The following GRHL1 variants were observed in gnomAD, a reference collection of about 807,000 sequenced individuals.
The protein encoded by GRHL1 is grainyhead like transcription factor 1, also known as grainyhead-like protein 1 homolog.
Under a neutral mutation model 75.7 loss-of-function variants are expected in GRHL1, and 38 were observed. The ratio of observed to expected loss-of-function variants is 0.50; its 90% CI spans 0.39 to 0.66. The LOEUF (loss-of-function observed/expected upper bound fraction) is 0.66. Ranked by LOEUF, GRHL1 falls within the 30% of genes least tolerant of loss-of-function variation. The pLI is 0.00. For missense variants in GRHL1, 589 were observed against 767.5 expected, an observed-to-expected ratio of 0.77 and a Z score of 2.75; for synonymous variants, 266 against 279.4, an observed-to-expected ratio of 0.95 and a Z score of 0.48.
rs1667449638 is a variant in GRHL1, at chr2:9,965,385, G to A, written c.1110+4G>A. 6.4e-7 allele frequency: 1 copy of A among 1,560,134 alleles called. No homozygotes were observed. Among genetic ancestry groups the A allele is most frequent in the Non-Finnish European group, 8.8e-7 (1 of 1,130,914 alleles). On this transcript the variant is annotated splice_donor_region_variant and intron_variant, in intron 8 of 15. Coordinates refer to ENST00000324907, the MANE Select transcript of GRHL1 (RefSeq NM_198182.3). ...GGACATCAACGATGAAGCAAAGGTGGGTGGTGAGGTCTGGGCGCCTTATGT... is the reference window on the plus strand; with the variant it reads ...GGACATCAACGATGAAGCAAAGGTGAGTGGTGAGGTCTGGGCGCCTTATGT...
intron 8 of GRHL1, among the ~76,000 whole-genome samples, chr2:9,981,485 C>T (rs1373417607): frequency 6.6e-6 from 1 of 152,342 alleles, no homozygotes; most frequent in African/African-American, 2.4e-5. Flanking sequence ...GGTCAGCAGA[C>T]GACAGCTCTG....
At chr2:10,000,496 C>T (rs1435643596) in intron 15 of GRHL1, 97 bp from the exon 16 acceptor site, 5 of 676,652 alleles carry the variant, frequency 7.4e-6, no homozygotes, top group Non-Finnish European at 1.4e-5. Context: ...GCCTCACATG[C>T]TGCAACTAGT....
At chr2:9,979,233 C>CTTTTTT (rs113844108) in intron 8 of GRHL1, among the ~76,000 whole-genome samples, 8 of 134,892 alleles carry the variant, frequency 5.9e-5, no homozygotes, top group African/African-American at 1.9e-4. Context: ...AATGTTCAAT[C>CTTTTTT]TTTTTTTTTT....
intron 8 of GRHL1, among the ~76,000 whole-genome samples, chr2:9,967,823 T>C (rs544160745): frequency 1.3e-5 from 2 of 152,320 alleles, no homozygotes; most frequent in Admixed American, 6.5e-5. Context: ...TCTGAAAATA[T>C]CTACTTTCTT....
In GRHL1 at chr2:9,992,382, T is replaced by G. The variant is rs1668681425; in HGVS notation, c.1461+236T>G. On this transcript the variant is annotated intron_variant, in intron 11 of 15. Coordinates refer to ENST00000324907, the MANE Select transcript of GRHL1 (RefSeq NM_198182.3). The surrounding 1 kb of genome is among the most constrained non-coding windows in gnomAD (Gnocchi z 4.6). ...CTTTATTCTGTTTGTATTCATTCAT[T>G]CATTCGTTCGTTCTTCATACCTACA... is the stretch of plus-strand genomic sequence containing the variant. 6.6e-6 allele frequency among the ~76,000 whole-genome samples: 1 copy of G among 152,224 alleles called. No individual in the cohort carries two copies. The highest frequency in any genetic ancestry group is 6.5e-5 in the Admixed American group (1 of 15,282).
intron 8 of GRHL1, among the ~76,000 whole-genome samples, chr2:9,976,879 A>T (rs1667969041): frequency 6.6e-6 from 1 of 152,224 alleles, no homozygotes; most frequent in Non-Finnish European, 1.5e-5. Context: ...ATGGCTGGAA[A>T]GGTGGATTGG....
chr2:9,961,578 G>C (rs1397344810), intron 4 of GRHL1, 142 bp downstream of exon 4: 2 of 694,308 alleles, frequency 2.9e-6, no homozygotes, highest in African/African-American at 1.8e-5. Context: ...AAGAGAAAAG[G>C]CCCATGGGTA....
Position 9,993,208 on chromosome 2 carries a change from T to C in GRHL1, c.1463T>C (p.Val488Ala), listed in dbSNP as rs1479732755. ...AGCAATCTATTCCTTTGGTCTTAGG[T>C]CCTTCCCATTGCCTCTGAAGAATTG... ...HFANLQRGTH[V>A]LPIASEELEG... Residue 488 changes from valine (V) to alanine (A), a missense_variant and splice_region_variant, in exon 12 of 16, where the codon GTC becomes GCC. Coordinates refer to ENST00000324907, the MANE Select transcript of GRHL1 (RefSeq NM_198182.3). 1 of 1,608,300 alleles carries C rather than the reference T, an allele frequency of 6.2e-7. No homozygotes were observed. The highest frequency in any genetic ancestry group is 1.3e-5 in the African/African-American group (1 of 74,936).
chr2:9,974,490 T>A (rs564461138), intron 8 of GRHL1, among the ~76,000 whole-genome samples: 1 of 152,186 alleles, frequency 6.6e-6, no homozygotes, highest in Admixed American at 6.5e-5. Context: ...TTGAAGCTTT[T>A]GAGTTGGGCG....
intron 2 of GRHL1, among the ~76,000 whole-genome samples, chr2:9,958,246 C>A (rs906738011): frequency 6.7e-6 from 1 of 149,820 alleles, no homozygotes; most frequent in Non-Finnish European, 1.5e-5. Flanking sequence ...GGCGCAATCT[C>A]TGCTCACTGT....
intron 4 of GRHL1, among the ~76,000 whole-genome samples, chr2:9,962,005 C>G (rs772230624): frequency 3.3e-5 from 5 of 152,138 alleles, no homozygotes; most frequent in Admixed American, 2.6e-4. Flanking sequence ...GAGCATCCAT[C>G]TCTGCGTATG....
At chr2:9,954,283 G>A (rs1666917118) in intron 1 of GRHL1, among the ~76,000 whole-genome samples, 1 of 152,130 alleles carries the variant, frequency 6.6e-6, no homozygotes, top group African/African-American at 2.4e-5. Context: ...TCCCATGCCA[G>A]AAAATTATGC....
At position 9,964,018 on chromosome 2, in the gene GRHL1, C is replaced by G. The variant is rs1037488824; in HGVS notation, c.879C>G (p.Ile293Met). The G allele has an allele frequency of 8.7e-6, 14 of 1,613,668 alleles. No individual in the cohort carries two copies. The highest frequency in any genetic ancestry group is 1.1e-5 in the Non-Finnish European group (13 of 1,179,752). ...AGGAGGTGAGCAGCAGTGAAGGAATCCATCATCCCATCAGCAAAGTTCGAG... is the reference window on the plus strand; with the variant it reads ...AGGAGGTGAGCAGCAGTGAAGGAATGCATCATCCCATCAGCAAAGTTCGAG... ...TLKEVSSSEG[I>M]HHPISKVRSV... The change falls in exon 6 of 16, where the codon ATC (isoleucine) becomes ATG (methionine). Residue 293 changes from isoleucine to methionine, a missense_variant. By Grantham distance (10) the Ile-to-Met change is conservative. This residue lies in a region of GRHL1 where 362 missense variants were observed against 461.8 expected (regional missense o/e 0.78). Coordinates refer to ENST00000324907, the MANE Select transcript of GRHL1 (RefSeq NM_198182.3).
rs113280112 is a variant in GRHL1 at position 9,998,499 on chromosome 2, TAC to T, written c.1678-464_1678-463del. ...ATATATACATATATATACGTATATA[TAC>T]ATATATATACGTATATATATACATA... On this transcript the variant is annotated intron_variant, in intron 14 of 15. Transcript: ENST00000324907. Among the ~76,000 whole-genome samples, 3 of 19,722 alleles carry T rather than the reference TAC, an allele frequency of 1.5e-4. 1 individual carries two copies. Among genetic ancestry groups the T allele is most frequent in the East Asian group, 2.0e-3 (1 of 506 alleles). 12.9% of individuals were successfully genotyped at this position (19,722 alleles called of 152,430 possible).
chr2:9,968,091 T>TA lies in GRHL1; in HGVS notation c.1110+2711dup, dbSNP rs769824192. On this transcript the variant is annotated intron_variant, in intron 8 of 15. Transcript: ENST00000324907. The surrounding 1 kb of genome is among the most constrained non-coding windows in gnomAD (Gnocchi z 4.7). ...TGAAAATCTGTCAACATCTGAATCT[T>TA]ACCTGTAGCTTCTGCTTCTCCGTTT... 4.6e-5 allele frequency among the ~76,000 whole-genome samples: 7 copies of TA among 152,200 alleles called. No individual in the cohort carries two copies. The highest frequency in any genetic ancestry group is 1.0e-4 in the Non-Finnish European group (7 of 68,032).
chr2:9,958,660 G>C (rs766641091), intron 2 of GRHL1, 126 bp from the exon 3 acceptor site: 2 of 672,152 alleles, frequency 3.0e-6, no homozygotes, highest in Non-Finnish European at 2.6e-6. Context: ...CCATAGCCTG[G>C]TGTTTGCTAG....
chr2:9,990,339 T>C lies in GRHL1; in HGVS notation c.1270-357T>C, dbSNP rs144465332. Among the ~76,000 whole-genome samples the C allele has an allele frequency of 0.026, 3,990 of 151,464 alleles. 175 individuals carry two copies. Among genetic ancestry groups the C allele is most frequent in the African/African-American group, 0.091 (3,751 of 41,296 alleles). On this transcript the variant is annotated intron_variant, in intron 9 of 15. Transcript: ENST00000324907. The surrounding 1 kb of genome is among the most constrained non-coding windows in gnomAD (Gnocchi z 4.2). ...CTAATTTTTGTATTTTTAGTAGAGG[T>C]GGGGTTTCACCATGTTGGCCAGGCT...
chr2:9,974,279 C>T (rs559566419), intron 8 of GRHL1, among the ~76,000 whole-genome samples: 3 of 152,216 alleles, frequency 2.0e-5, no homozygotes, highest in African/African-American at 7.2e-5. Flanking sequence ...CCAGAGACTA[C>T]GTGCTTTGTG....
chr2:9,956,381 G>A (rs932966043), intron 2 of GRHL1, among the ~76,000 whole-genome samples: 5 of 152,054 alleles, frequency 3.3e-5, no homozygotes, highest in South Asian at 2.1e-4. Flanking sequence ...GAAATTAGCC[G>A]GTTAGTACAC....
Sources: allele counts gnomAD v4.1 joint callset (sites outside exome capture counted in the v4.1 genomes callset), GRCh38; gene constraint gnomAD v4.1.1; regional missense constraint gnomAD v4.1.1; non-coding constraint Gnocchi (gnomAD v3.1); transcripts MANE v1.5; gene names NCBI Gene and HGNC (gene_info 2026-07-23, HGNC 2026-07-21).